The following ALDH18A1 variants were observed in gnomAD, a reference collection of about 807,000 sequenced individuals.
The protein encoded by ALDH18A1 is aldehyde dehydrogenase 18 family member A1.
A neutral mutation model predicts 88.8 loss-of-function variants in ALDH18A1; 44 were observed. The observed-to-expected ratio is 0.50, with a 90% CI of 0.39 to 0.64. ALDH18A1 has a LOEUF of 0.64. ALDH18A1 is among the 30% of genes least tolerant of loss of function. ALDH18A1 has a pLI of 0.00. For synonymous variants in ALDH18A1, 331 were observed against 372.1 expected (o/e 0.89, Z 1.27); for missense variants, 782 against 1,009.5 (o/e 0.77, Z 3.05).
rs557823535 is a variant in ALDH18A1 at position 95,615,831 on chromosome 10, T to C, written c.1605+646A>G. The stretch of plus-strand genomic sequence containing the variant: ...TAAACTCTATCACACACCATGTGAC[T>C]CTTGGGGAATTACTTTACCTCTGAA... On this transcript the variant is annotated intron_variant, in intron 13 of 17. Coordinates refer to ENST00000371224, the MANE Select transcript of ALDH18A1 (RefSeq NM_002860.4). Among the ~76,000 whole-genome samples the C allele has an allele frequency of 2.1e-4, 32 of 152,302 alleles. No homozygotes were observed. In the South Asian group the frequency reaches 6.2e-3, roughly 30 times the overall value.
intron 3 of ALDH18A1, among the ~76,000 whole-genome samples, chr10:95,642,508 G>A (rs995046276): frequency 6.6e-6 from 1 of 152,124 alleles, no homozygotes; most frequent in South Asian, 2.1e-4. Context: ...GCAGCTACTC[G>A]GGAGGCTGAG....
chr10:95,624,732 T>C lies in ALDH18A1; in HGVS notation c.1246+630A>G, dbSNP rs529884575. Among the ~76,000 whole-genome samples the C allele has an allele frequency of 1.5e-4, 23 of 152,350 alleles. 1 individual carries two copies. The South Asian group carries it at 4.8e-3, about 32-fold the overall frequency. The stretch of plus-strand genomic sequence containing the variant: ...ACCATTAGCACCTCTAGGGTATTTC[T>C]GGATGGCACCTGGTGCTAACTCAGG... On this transcript the variant is annotated intron_variant, in intron 11 of 17. Coordinates refer to ENST00000371224, the MANE Select transcript of ALDH18A1 (RefSeq NM_002860.4).
At chr10:95,627,639 C>T (rs2097862328) in intron 8 of ALDH18A1, 53 bp from the exon 9 acceptor site, 1 of 1,603,764 alleles carries the variant, frequency 6.2e-7, no homozygotes, top group Admixed American at 1.7e-5. Flanking sequence ...TATTCACCCA[C>T]ATTTTAAACT....
In ALDH18A1 at chr10:95,621,105, C is replaced by G. The variant is rs757876226; in HGVS notation, c.1393G>C (p.Glu465Gln). Residue 465 changes from glutamate to glutamine, a missense_variant, in exon 12 of 18, where the codon GAA becomes CAA. Transcript: ENST00000371224. ...LRRTRIAKNL[E>Q]LEQVTVPIGV... ...ATTGGGACAGTCACTTGTTCCAGTT[C>G]CAAGTTTTTGGCGATTCGGGTGCGG... 1 of 1,614,084 alleles carries G rather than the reference C, an allele frequency of 6.2e-7. No homozygotes were observed. Among genetic ancestry groups the G allele is most frequent in the Non-Finnish European group, 8.5e-7 (1 of 1,180,022 alleles).
At position 95,633,515 on chromosome 10, in the gene ALDH18A1, G is replaced by A. The variant is rs1189083062; in HGVS notation, c.693C>T (p.Pro231=). ...CATTTACCCCCTGCAGGTCACTGTT[G>A]GGCTCAGCTGGGGGGACAACAGCAT... The part of the protein sequence containing the change: ...TNDAVVPPAE[P]NSDLQGVNVI... The change falls in exon 6 of 18, where the codon CCC becomes CCT. Residue 231 remains proline (P), a synonymous_variant. Transcript: ENST00000371224. The A allele has an allele frequency of 1.2e-6, 2 of 1,614,124 alleles. No individual in the cohort carries two copies. Among genetic ancestry groups the A allele is most frequent in the Middle Eastern group, 1.6e-4 (1 of 6,062 alleles).
chr10:95,607,909 G>A (rs2097825853), intron 17 of ALDH18A1, among the ~76,000 whole-genome samples: 1 of 152,196 alleles, frequency 6.6e-6, no homozygotes, highest in South Asian at 2.1e-4. Context: ...TGTGCTTGGG[G>A]TAGTGGTTGG....
chr10:95,609,479 A>T (rs376856641), intron 17 of ALDH18A1, among the ~76,000 whole-genome samples: 1 of 152,228 alleles, frequency 6.6e-6, no homozygotes, highest in African/African-American at 2.4e-5. Flanking sequence ...CAAGGGACAC[A>T]GCATGTACCT....
chr10:95,625,696 T>C (rs940442868), intron 10 of ALDH18A1, among the ~76,000 whole-genome samples: 8 of 151,028 alleles, frequency 5.3e-5, no homozygotes, highest in African/African-American at 1.9e-4. Flanking sequence ...TTTTTTCTTA[T>C]GACTCCTGAT....
At chr10:95,648,649 T>A (rs1224339796) in intron 2 of ALDH18A1, among the ~76,000 whole-genome samples, 1 of 152,186 alleles carries the variant, frequency 6.6e-6, no homozygotes, top group East Asian at 1.9e-4. Flanking sequence ...CAAGAGGACT[T>A]GTAGCTACCA....
In ALDH18A1 at chr10:95,613,730, T is replaced by TG; in HGVS notation, c.1923+11dup. On this transcript the variant is annotated intron_variant, in intron 15 of 17. Transcript: ENST00000371224. Reference sequence around the variant, plus strand: ...GACAGGAAGTAATGTACTAGTCCTATGGAACTCTTACCTGTTCCACTCTCA... The same window carrying TG: ...GACAGGAAGTAATGTACTAGTCCTATGGGAACTCTTACCTGTTCCACTCTCA... 1 of 1,614,140 alleles carries TG rather than the reference T, an allele frequency of 6.2e-7. No individual in the cohort carries two copies. Among genetic ancestry groups the TG allele is most frequent in the Non-Finnish European group, 8.5e-7 (1 of 1,179,998 alleles).
chr10:95,614,271 A>G, intron 13 of ALDH18A1, 110 bp from the exon 14 acceptor site: 1 of 1,180,420 alleles, frequency 8.5e-7, no homozygotes, highest in Non-Finnish European at 1.2e-6. Flanking sequence ...GAACTAAGTG[A>G]GACACTGTGA....
At chr10:95,655,543 G>C (rs750610411) in intron 1 of ALDH18A1, among the ~76,000 whole-genome samples, 7 of 66,762 alleles carry the variant, frequency 1.0e-4, no homozygotes, top group Non-Finnish European at 3.1e-4. Flanking sequence ...GAACACCTAC[G>C]GTCACTGAAA....
Position 95,633,517 on chromosome 10 carries a change from G to A in ALDH18A1, c.691C>T (p.Pro231Ser), listed in dbSNP as rs556900387. 1 of 1,614,138 alleles carries A rather than the reference G, an allele frequency of 6.2e-7. No individual in the cohort carries two copies. Among genetic ancestry groups the A allele is most frequent in the Non-Finnish European group, 8.5e-7 (1 of 1,180,034 alleles). Residue 231 changes from proline (P) to serine (S), a missense_variant, in exon 6 of 18, where the codon CCC (proline) becomes TCC (serine). Transcript: ENST00000371224. ...TTTACCCCCTGCAGGTCACTGTTGG[G>A]CTCAGCTGGGGGGACAACAGCATCA... The part of the protein sequence containing the change: ...TNDAVVPPAE[P>S]NSDLQGVNVI...
In ALDH18A1 at chr10:95,606,667, C is replaced by T; in HGVS notation, c.*95G>A. The T allele has an allele frequency of 6.2e-7, 1 of 1,610,928 alleles. No individual in the cohort carries two copies. Among genetic ancestry groups the T allele is most frequent in the South Asian group, 1.1e-5 (1 of 90,334 alleles). On this transcript the variant is annotated 3_prime_UTR_variant, in exon 18 of 18. Transcript: ENST00000371224. The stretch of plus-strand genomic sequence containing the variant: ...TACACTTTCCAACAGGCAGACCCTA[C>T]CAGGAACTGGGAGACAAGAGCGGGC...
chr10:95,609,214 GT>G (rs2097828494), intron 17 of ALDH18A1, among the ~76,000 whole-genome samples: 1 of 152,202 alleles, frequency 6.6e-6, no homozygotes, highest in Admixed American at 6.5e-5. Flanking sequence ...ACGAGAGACT[GT>G]CCAAATAACC....
At chr10:95,610,342 T>C in intron 16 of ALDH18A1, 50 bp from the exon 17 acceptor site, 1 of 1,580,750 alleles carries the variant, frequency 6.3e-7, no homozygotes. Context: ...CCAGAGAACA[T>C]CCCTGTTTCC....
At position 95,656,612 on chromosome 10, in the gene ALDH18A1, C is replaced by T. The variant is rs1443127759; in HGVS notation, c.-44G>A. 1 of 152,740 alleles carries T rather than the reference C, an allele frequency of 6.5e-6. No individual in the cohort carries two copies. Among genetic ancestry groups the T allele is most frequent in the Non-Finnish European group, 1.5e-5 (1 of 68,460 alleles). 9.5% of individuals were successfully genotyped at this position (152,740 alleles called of 1,614,324 possible). A position where few individuals can be genotyped will look rare whatever the true frequency, so the allele number is the denominator to read the frequency against. On this transcript the variant is annotated 5_prime_UTR_variant, in exon 1 of 18. Coordinates refer to ENST00000371224, the MANE Select transcript of ALDH18A1 (RefSeq NM_002860.4). ...CGCCGCGTACCTTCCTCACCACCGCCGCCTTCGCCCCCTGGCACTACCGCG... is the reference window on the plus strand; with the variant it reads ...CGCCGCGTACCTTCCTCACCACCGCTGCCTTCGCCCCCTGGCACTACCGCG...
Position 95,606,869 on chromosome 10 carries a change from T to TAGTA in ALDH18A1, c.2277_2280dup (p.Lys761TyrfsTer2). 6.2e-7 allele frequency: 1 copy of TAGTA among 1,614,220 alleles called. No individual in the cohort carries two copies. Among genetic ancestry groups the TAGTA allele is most frequent in the Non-Finnish European group, 8.5e-7 (1 of 1,180,024 alleles). Reference sequence around the variant, plus strand: ...TGGTCCTTCCCTCGCAGCAGCCACTTAGTAGTAAGCAGTCCCTCAAGTCCT... The same window carrying TAGTA: ...TGGTCCTTCCCTCGCAGCAGCCACTTAGTAAGTAGTAAGCAGTCCCTCAAGTCCT... On this transcript the variant is annotated frameshift_variant, in exon 18 of 18. Coordinates refer to ENST00000371224, the MANE Select transcript of ALDH18A1 (RefSeq NM_002860.4). LOFTEE classifies it high-confidence loss of function.
At chr10:95,622,831 C>A (rs2097854952) in intron 11 of ALDH18A1, among the ~76,000 whole-genome samples, 1 of 152,114 alleles carries the variant, frequency 6.6e-6, no homozygotes, top group Admixed American at 6.6e-5. Context: ...GACACCGCAC[C>A]CGGCCCAGAA....
Sources: gnomAD v4.1 joint callset for allele counts (sites outside exome capture counted in the v4.1 genomes callset) on GRCh38, gnomAD v4.1.1 for gene constraint, MANE v1.5 for transcripts, NCBI Gene and HGNC (gene_info 2026-07-23, HGNC 2026-07-21) for gene names.